The following MVB12B variants were observed in gnomAD, a reference collection of about 807,000 sequenced individuals.
MVB12B encodes multivesicular body subunit 12B.
Under a neutral mutation model 41.6 loss-of-function variants are expected in MVB12B, and 16 were observed. That is an observed-to-expected ratio of 0.38 (90% CI 0.26 to 0.58). The LOEUF is 0.58. MVB12B is among the 20% of genes least tolerant of loss of function. The pLI is 0.62. For synonymous variants in MVB12B, 133 were observed against 139.7 expected, an observed-to-expected ratio of 0.95 and a Z score of 0.34; for missense variants, 274 against 380.2, an observed-to-expected ratio of 0.72 and a Z score of 2.32.
At chr9:126,489,665 T>TGCTG (rs1479643772) in intron 9 of MVB12B, among the ~76,000 whole-genome samples, 2 of 152,236 alleles carry the variant, frequency 1.3e-5, no homozygotes, top group African/African-American at 4.8e-5. Context: ...GCCGTCACCC[T>TGCTG]GCTGGCTCCC....
chr9:126,327,078 C>G, intron 1 of MVB12B, 68 bp downstream of exon 1: 1 of 164,816 alleles, frequency 6.1e-6, no homozygotes, highest in Non-Finnish European at 1.2e-5. Context: ...GGCGGGCGGG[C>G]GGGCGCGGGC....
At chr9:126,494,965 G>A (rs574450429) in intron 9 of MVB12B, among the ~76,000 whole-genome samples, 2 of 152,170 alleles carry the variant, frequency 1.3e-5, no homozygotes, top group African/African-American at 4.8e-5. Flanking sequence ...ACCAAGGTGG[G>A]TGGATCACTG....
At chr9:126,398,463 A>ATGCT (rs1831180272) in intron 6 of MVB12B, among the ~76,000 whole-genome samples, 1 of 152,190 alleles carries the variant, frequency 6.6e-6, no homozygotes. Context: ...CCACGAGCAG[A>ATGCT]TGCTTATAAC....
intron 4 of MVB12B, among the ~76,000 whole-genome samples, chr9:126,387,421 T>A (rs968663116): frequency 5.3e-5 from 8 of 152,238 alleles, no homozygotes; most frequent in Non-Finnish European, 1.2e-4. Context: ...AGGGTTTATT[T>A]ATTAAATTCT....
chr9:126,393,147 C>T (rs976709607), intron 5 of MVB12B, among the ~76,000 whole-genome samples: 1 of 152,350 alleles, frequency 6.6e-6, no homozygotes, highest in East Asian at 1.9e-4. Flanking sequence ...CAGGGTTTCA[C>T]TTAGGGCTCT....
intron 3 of MVB12B, among the ~76,000 whole-genome samples, chr9:126,385,988 C>T (rs1053778221): frequency 1.3e-5 from 2 of 152,184 alleles, no homozygotes; most frequent in Non-Finnish European, 2.9e-5. Context: ...CTTTAGGAGG[C>T]CCTTGTGCGT....
intron 3 of MVB12B, among the ~76,000 whole-genome samples, chr9:126,385,332 C>G (rs936699470): frequency 6.6e-6 from 1 of 152,078 alleles, no homozygotes; most frequent in Non-Finnish European, 1.5e-5. Flanking sequence ...AACAAATAAC[C>G]CCATAAATTG....
intron 6 of MVB12B, among the ~76,000 whole-genome samples, chr9:126,420,345 G>T (rs1831967215): frequency 6.6e-6 from 1 of 152,224 alleles, no homozygotes; most frequent in South Asian, 2.1e-4. Flanking sequence ...TGTGTCTGCT[G>T]GTTCCCCAAA....
At chr9:126,409,828 A>C (rs934716756) in intron 6 of MVB12B, among the ~76,000 whole-genome samples, 1 of 152,152 alleles carries the variant, frequency 6.6e-6, no homozygotes, top group Non-Finnish European at 1.5e-5. Flanking sequence ...TTGATGAAGA[A>C]CTTCACCCTA....
chr9:126,396,296 C>T (rs965018584), intron 6 of MVB12B: 1 of 985,624 alleles, frequency 1.0e-6, no homozygotes, highest in South Asian at 4.7e-5. Context: ...AGTCTCTACA[C>T]TTTCTGCAAA....
Position 126,473,580 on chromosome 9 carries a change from G to A in MVB12B, c.758-7789G>A, listed in dbSNP as rs1489100241. On this transcript the variant is annotated intron_variant, in intron 7 of 9. Transcript: ENST00000361171. The surrounding 1 kb of genome is among the most constrained non-coding windows in gnomAD (Gnocchi z 4.0). Reference sequence around the variant, plus strand: ...ACAGGCTCATCACATGGCCAGAGCAGGAACAAGAATGCCAGAGCAGGAACA... The same window carrying A: ...ACAGGCTCATCACATGGCCAGAGCAAGAACAAGAATGCCAGAGCAGGAACA... Among the ~76,000 whole-genome samples, 1 of 152,160 alleles carries A rather than the reference G, an allele frequency of 6.6e-6. No individual in the cohort carries two copies. The highest frequency in any genetic ancestry group is 1.5e-5 in the Non-Finnish European group (1 of 68,030).
intron 1 of MVB12B, among the ~76,000 whole-genome samples, chr9:126,335,688 A>G (rs1475041105): frequency 1.3e-5 from 2 of 152,224 alleles, no homozygotes; most frequent in African/African-American, 4.8e-5. Context: ...CATTTCCAGC[A>G]GCTACCTGCT....
chr9:126,462,331 G>A (rs909904711), intron 7 of MVB12B, among the ~76,000 whole-genome samples: 6 of 152,152 alleles, frequency 3.9e-5, no homozygotes, highest in Admixed American at 6.5e-5. Context: ...AATATTTTAC[G>A]GGGAGATAGC....
chr9:126,340,767 A>G lies in MVB12B; in HGVS notation c.204+137A>G. The stretch of plus-strand genomic sequence containing the variant: ...AACTTAATCCAGGGAGGGCGTGGAG[A>G]GCATCCTGGTTTGGGAGTCAGAAGA... On this transcript the variant is annotated intron_variant, in intron 2 of 9. Transcript: ENST00000361171. This position sits in a 1 kb window ranked among gnomAD's most constrained non-coding sequence, Gnocchi z 4.0. 1 of 1,063,222 alleles carries G rather than the reference A, an allele frequency of 9.4e-7. No homozygotes were observed. Among genetic ancestry groups the G allele is most frequent in the South Asian group, 1.7e-5 (1 of 58,868 alleles). 65.9% of individuals were successfully genotyped at this position (1,063,222 alleles called of 1,614,324 possible).
At position 126,395,440 on chromosome 9, in the gene MVB12B, A is replaced by C. The variant is rs1831083123; in HGVS notation, c.540-135A>C. The C allele has an allele frequency of 9.3e-7, 1 of 1,075,708 alleles. No homozygotes were observed. Among genetic ancestry groups the C allele is most frequent in the Non-Finnish European group, 1.4e-6 (1 of 732,814 alleles). 66.6% of individuals were successfully genotyped at this position (1,075,708 alleles called of 1,614,324 possible). Reference sequence around the variant, plus strand: ...GAGCACAAAGGAGACGGTGGAACCCATTTCACGTGGAGGGCAAGAATTGAT... The same window carrying C: ...GAGCACAAAGGAGACGGTGGAACCCCTTTCACGTGGAGGGCAAGAATTGAT... On this transcript the variant is annotated intron_variant, in intron 5 of 9. Transcript: ENST00000361171. This position sits in a 1 kb window ranked among gnomAD's most constrained non-coding sequence, Gnocchi z 4.9.
intron 6 of MVB12B, among the ~76,000 whole-genome samples, chr9:126,413,252 G>A (rs1162654024): frequency 6.6e-6 from 1 of 152,180 alleles, no homozygotes; most frequent in Non-Finnish European, 1.5e-5. Context: ...GGCCCCATCA[G>A]CATTCAAATC....
At chr9:126,469,269 G>A (rs1315419051) in intron 7 of MVB12B, among the ~76,000 whole-genome samples, 2 of 152,242 alleles carry the variant, frequency 1.3e-5, no homozygotes, top group African/African-American at 2.4e-5. Flanking sequence ...CCCAGGCACT[G>A]TGTACAGACC....
intron 3 of MVB12B, among the ~76,000 whole-genome samples, chr9:126,384,834 AT>A (rs11299290): frequency 0.55 from 60,862 of 110,936 alleles, 15,695 homozygotes; most frequent in East Asian, 0.83. Flanking sequence ...TGCCTGGCAG[AT>A]TTTTTTTTTT....
intron 1 of MVB12B, among the ~76,000 whole-genome samples, chr9:126,330,320 C>CAT (rs1313033249): frequency 6.6e-6 from 1 of 151,432 alleles, no homozygotes; most frequent in Non-Finnish European, 1.5e-5. Context: ...CACACACACA[C>CAT]ACACATACAC....
Sources: allele counts gnomAD v4.1 joint callset (sites outside exome capture counted in the v4.1 genomes callset), GRCh38; gene constraint gnomAD v4.1.1; non-coding constraint Gnocchi (gnomAD v3.1); transcripts MANE v1.5; gene names NCBI Gene and HGNC (gene_info 2026-07-23, HGNC 2026-07-21).